Variants in DLG2 observed in about 807,000 individuals in gnomAD.
DLG2 encodes the protein discs large MAGUK scaffold protein 2.
In DLG2, 45 loss-of-function variants were observed where a neutral mutation model predicts 132.5. That is an observed-to-expected ratio of 0.34 (90% confidence interval 0.27 to 0.44). DLG2 has a LOEUF of 0.44. Among genes scored for constraint, DLG2 ranks in the 20% least tolerant of loss-of-function variants. The pLI is 1.00. For synonymous variants in DLG2, 424 were observed against 419.6 expected (o/e 1.01, Z -0.13); for missense variants, 1,045 against 1,196.9 (o/e 0.87, Z 1.87).
intron 6 of DLG2, among the ~76,000 whole-genome samples, chr11:84,957,472 C>A (rs893969250): frequency 2.0e-5 from 3 of 152,072 alleles, no homozygotes; most frequent in African/African-American, 7.2e-5. Flanking sequence ...TATATAGGGC[C>A]ACCTCACATA....
At chr11:83,507,153 A>G (rs1229376146) in intron 21 of DLG2, among the ~76,000 whole-genome samples, 1 of 152,154 alleles carries the variant, frequency 6.6e-6, no homozygotes, top group Admixed American at 6.5e-5. Flanking sequence ...CAAATGGTGA[A>G]TCAGGAATGT....
chr11:83,895,469 T>A (rs1214464190), intron 15 of DLG2, among the ~76,000 whole-genome samples: 1 of 152,178 alleles, frequency 6.6e-6, no homozygotes, highest in Non-Finnish European at 1.5e-5. Context: ...CACTACTGTC[T>A]TTTTTAACAC....
intron 11 of DLG2, among the ~76,000 whole-genome samples, chr11:83,997,768 A>AAAAAG (rs2094128126): frequency 8.1e-6 from 1 of 124,008 alleles, no homozygotes; most frequent in African/African-American, 2.9e-5. Context: ...AAAAAAAAAA[A>AAAAAG]GGTGTGCCAA....
At chr11:85,240,786 T>C (rs1259951353) in intron 4 of DLG2, among the ~76,000 whole-genome samples, 1 of 151,846 alleles carries the variant, frequency 6.6e-6, no homozygotes, top group East Asian at 1.9e-4. Context: ...CATGGTGTCT[T>C]ATTACTATAA....
chr11:84,795,457 A>G (rs2074455289), intron 6 of DLG2, among the ~76,000 whole-genome samples: 1 of 149,784 alleles, frequency 6.7e-6, no homozygotes, highest in Non-Finnish European at 1.5e-5. Flanking sequence ...TGAGAGCTGG[A>G]CACTCATCAG....
intron 19 of DLG2, among the ~76,000 whole-genome samples, chr11:83,548,887 A>T: frequency 6.6e-6 from 1 of 152,140 alleles, no homozygotes; most frequent in East Asian, 1.9e-4. Flanking sequence ...GAGTGGGAAT[A>T]TGTCTTATCT....
At chr11:85,205,740 G>C (rs746506489) in intron 4 of DLG2, among the ~76,000 whole-genome samples, 20 of 152,114 alleles carry the variant, frequency 1.3e-4, no homozygotes, top group Non-Finnish European at 2.1e-4. Flanking sequence ...GCCCAATTAG[G>C]AAAGACTGAC....
intron 14 of DLG2, among the ~76,000 whole-genome samples, chr11:83,959,706 T>C (rs1164935523): frequency 6.6e-6 from 1 of 152,030 alleles, no homozygotes; most frequent in Non-Finnish European, 1.5e-5. Context: ...TAGTAAGTGG[T>C]AGGACGAGCA....
intron 3 of DLG2, among the ~76,000 whole-genome samples, chr11:85,475,791 G>C (rs2093122204): frequency 6.6e-6 from 1 of 152,080 alleles, no homozygotes; most frequent in Non-Finnish European, 1.5e-5. Context: ...GCAGAGAGAA[G>C]CTCAATGTCA....
At chr11:85,130,045 G>A (rs933048981) in intron 5 of DLG2, among the ~76,000 whole-genome samples, 14 of 152,026 alleles carry the variant, frequency 9.2e-5, no homozygotes, top group Non-Finnish European at 1.6e-4. Context: ...ATCACACACC[G>A]GGGCCTTTTG....
chr11:83,726,666 C>A (rs936888107), intron 18 of DLG2, among the ~76,000 whole-genome samples: 1 of 152,020 alleles, frequency 6.6e-6, no homozygotes, highest in Non-Finnish European at 1.5e-5. Context: ...TTGACCATTG[C>A]CAAACAGGTC....
intron 6 of DLG2, among the ~76,000 whole-genome samples, chr11:84,834,469 T>C (rs2079450482): frequency 6.6e-6 from 1 of 151,554 alleles, no homozygotes; most frequent in South Asian, 2.1e-4. Flanking sequence ...TTGAACAACC[T>C]CTGCAAATCC....
chr11:84,410,766 G>C (rs1207245539), intron 7 of DLG2, among the ~76,000 whole-genome samples: 2 of 151,730 alleles, frequency 1.3e-5, no homozygotes, highest in Non-Finnish European at 2.9e-5. Context: ...TTTTAGTAGA[G>C]ATGGGCTTTC....
chr11:85,193,684 T>C (rs2080802452), intron 4 of DLG2, among the ~76,000 whole-genome samples: 1 of 152,250 alleles, frequency 6.6e-6, no homozygotes, highest in Admixed American at 6.5e-5. Context: ...ATTTGAAGAA[T>C]TACGTATTCA....
At chr11:85,171,966 T>C (rs899998620) in intron 4 of DLG2, among the ~76,000 whole-genome samples, 3 of 152,202 alleles carry the variant, frequency 2.0e-5, no homozygotes, top group African/African-American at 7.2e-5. Context: ...CTCCCTAGGA[T>C]GAAGCCCCAG....
chr11:85,123,039 G>A (rs1476817798), intron 5 of DLG2, among the ~76,000 whole-genome samples: 3 of 130,476 alleles, frequency 2.3e-5, no homozygotes, highest in Non-Finnish European at 4.7e-5. Context: ...GTGCCATGGT[G>A]CGATCTCGGC....
At chr11:83,520,722 GATA>G in intron 21 of DLG2, among the ~76,000 whole-genome samples, 1 of 150,424 alleles carries the variant, frequency 6.6e-6, no homozygotes, top group South Asian at 2.1e-4. Flanking sequence ...TAGATAGATA[GATA>G]GATAGATAGA....
intron 6 of DLG2, among the ~76,000 whole-genome samples, chr11:84,832,384 T>G (rs2079153379): frequency 6.6e-6 from 1 of 151,662 alleles, no homozygotes; most frequent in South Asian, 2.1e-4. Flanking sequence ...GAAATGCTTT[T>G]GAAGTAGGAC....
At chr11:83,889,854 G>A (rs372680707) in intron 15 of DLG2, among the ~76,000 whole-genome samples, 8 of 150,394 alleles carry the variant, frequency 5.3e-5, no homozygotes, top group African/African-American at 4.9e-5. Flanking sequence ...GTAAACTATC[G>A]CAAGAACAAA....
Sources: gnomAD v4.1 joint callset for allele counts (sites outside exome capture counted in the v4.1 genomes callset) on GRCh38, gnomAD v4.1.1 for gene constraint, MANE v1.5 for transcripts, NCBI Gene and HGNC (gene_info 2026-07-23, HGNC 2026-07-21) for gene names.